BBS9: variants seen among roughly 807,000 people sequenced by gnomAD.
BBS9 encodes Bardet-Biedl syndrome 9, also known as protein PTHB1.
A neutral mutation model predicts 117.7 loss-of-function variants in BBS9; 89 were observed. That is an observed-to-expected ratio of 0.76 (90% CI 0.64 to 0.90). BBS9 has a LOEUF of 0.90. BBS9 is among the 40% of genes least tolerant of loss of function. The pLI is 0.00. For missense variants in BBS9, 982 were observed against 1,042.2 expected (o/e 0.94, Z 0.80); for synonymous variants, 379 against 370.9 (o/e 1.02, Z -0.25).
intron 19 of BBS9, among the ~76,000 whole-genome samples, chr7:33,398,019 G>A (rs956622627): frequency 1.7e-4 from 26 of 152,124 alleles, no homozygotes; most frequent in African/African-American, 6.3e-4. Flanking sequence ...AAAAATTGAT[G>A]AGCACAAAAA....
chr7:33,539,409 G>C (rs2129068084), intron 21 of BBS9, among the ~76,000 whole-genome samples: 1 of 152,298 alleles, frequency 6.6e-6, no homozygotes, highest in Admixed American at 6.5e-5. Flanking sequence ...ATCCTGCTGT[G>C]TCATGCTGTG....
chr7:33,346,829 T>TATTATTTA (rs1289122420), intron 12 of BBS9, among the ~76,000 whole-genome samples: 2 of 152,252 alleles, frequency 1.3e-5, no homozygotes, highest in Non-Finnish European at 2.9e-5. Context: ...AATGGCTTAT[T>TATTATTTA]ACTACTTAAA....
At chr7:33,472,409 G>C (rs948195897) in intron 19 of BBS9, among the ~76,000 whole-genome samples, 1 of 152,186 alleles carries the variant, frequency 6.6e-6, no homozygotes, top group African/African-American at 2.4e-5. Flanking sequence ...ATGTAGCACT[G>C]ATTTCTTATG....
At chr7:33,203,966 G>T (rs1448424730) in intron 5 of BBS9, among the ~76,000 whole-genome samples, 1 of 149,722 alleles carries the variant, frequency 6.7e-6, no homozygotes, top group African/African-American at 2.4e-5. Flanking sequence ...CAGGTAATCC[G>T]CCCGCCTCGG....
intron 21 of BBS9, among the ~76,000 whole-genome samples, chr7:33,628,190 A>C (rs1244530121): frequency 6.6e-6 from 1 of 152,140 alleles, no homozygotes; most frequent in Non-Finnish European, 1.5e-5. Context: ...CTGATACCCA[A>C]CCAGACAAAA....
chr7:33,472,332 G>T (rs1419907), intron 19 of BBS9, among the ~76,000 whole-genome samples: 1 of 152,130 alleles, frequency 6.6e-6, no homozygotes, highest in African/African-American at 2.4e-5. Context: ...GATTTTATTT[G>T]TTTTTTGATA....
intron 21 of BBS9, among the ~76,000 whole-genome samples, chr7:33,576,042 G>C: frequency 6.6e-6 from 1 of 152,130 alleles, no homozygotes. Context: ...TGTAGTGTTG[G>C]AAGTTCTGGC....
chr7:33,187,199 A>G (rs145565787), intron 5 of BBS9, among the ~76,000 whole-genome samples: 35 of 152,356 alleles, frequency 2.3e-4, no homozygotes, highest in African/African-American at 8.4e-4. Context: ...AGAAAATAAT[A>G]TTGTTTTAAG....
At chr7:33,293,826 G>A (rs1180407796) in intron 9 of BBS9, among the ~76,000 whole-genome samples, 1 of 151,516 alleles carries the variant, frequency 6.6e-6, no homozygotes, top group Admixed American at 6.6e-5. Context: ...ATCTTTTTTT[G>A]TTCTTCATTA....
At chr7:33,554,825 T>A (rs1314218130) in intron 21 of BBS9, among the ~76,000 whole-genome samples, 1 of 152,114 alleles carries the variant, frequency 6.6e-6, no homozygotes, top group Non-Finnish European at 1.5e-5. Flanking sequence ...GATCTAAATC[T>A]GGAGGCCTTC....
intron 7 of BBS9, among the ~76,000 whole-genome samples, chr7:33,264,978 G>A (rs2128327294): frequency 6.6e-6 from 1 of 152,242 alleles, no homozygotes; most frequent in Non-Finnish European, 1.5e-5. Flanking sequence ...AAAGACAAAG[G>A]TGAAGTTTGA....
At chr7:33,419,927 G>C (rs1249523773) in intron 19 of BBS9, among the ~76,000 whole-genome samples, 1 of 152,082 alleles carries the variant, frequency 6.6e-6, no homozygotes, top group East Asian at 1.9e-4. Context: ...TGGTGGTGGG[G>C]GCAGATGGTG....
At chr7:33,582,751 A>G (rs1023205383) in intron 21 of BBS9, among the ~76,000 whole-genome samples, 1 of 152,124 alleles carries the variant, frequency 6.6e-6, no homozygotes, top group Non-Finnish European at 1.5e-5. Flanking sequence ...ACTTAAAGAG[A>G]ATATGAGGAT....
chr7:33,540,690 A>T (rs1367297193), intron 21 of BBS9, among the ~76,000 whole-genome samples: 1 of 152,180 alleles, frequency 6.6e-6, no homozygotes, highest in Non-Finnish European at 1.5e-5. Context: ...AGGAAAATTA[A>T]TTTTTTTCAA....
chr7:33,134,890 C>T (rs528706004), intron 1 of BBS9, among the ~76,000 whole-genome samples: 1 of 152,300 alleles, frequency 6.6e-6, no homozygotes, highest in South Asian at 2.1e-4. Context: ...GCCACTGCAC[C>T]TGGCTTTATT....
intron 21 of BBS9, among the ~76,000 whole-genome samples, chr7:33,625,076 A>T (rs1476424405): frequency 6.6e-6 from 1 of 152,208 alleles, no homozygotes; most frequent in Admixed American, 6.5e-5. Context: ...ATTCATGTGA[A>T]GCAACAAGTG....
At chr7:33,205,312 C>A (rs75832494) in intron 5 of BBS9, among the ~76,000 whole-genome samples, 21 of 152,244 alleles carry the variant, frequency 1.4e-4, no homozygotes, top group African/African-American at 5.1e-4. Flanking sequence ...GAAATCCTTC[C>A]ATATACCTCC....
chr7:33,561,282 C>T (rs1856047863), intron 21 of BBS9, among the ~76,000 whole-genome samples: 1 of 152,200 alleles, frequency 6.6e-6, no homozygotes, highest in Non-Finnish European at 1.5e-5. Flanking sequence ...CCCAACTCCA[C>T]CCTGGTTTTC....
intron 19 of BBS9, among the ~76,000 whole-genome samples, chr7:33,444,870 C>T (rs1836764485): frequency 6.6e-6 from 1 of 152,186 alleles, no homozygotes; most frequent in Non-Finnish European, 1.5e-5. Flanking sequence ...TCAATATATG[C>T]AGACCTTAAA....
Sources: gnomAD v4.1 joint callset for allele counts (sites outside exome capture counted in the v4.1 genomes callset) on GRCh38, gnomAD v4.1.1 for gene constraint, MANE v1.5 for transcripts, NCBI Gene and HGNC (gene_info 2026-07-23, HGNC 2026-07-21) for gene names.